SLC2A2: variants seen among roughly 807,000 people sequenced by gnomAD.
SLC2A2 encodes the protein solute carrier family 2, facilitated glucose transporter member 2.
In SLC2A2, 36 loss-of-function variants were observed where a neutral mutation model predicts 54.5. The ratio of observed to expected loss-of-function variants is 0.66; its 90% confidence interval spans 0.51 to 0.87. The LOEUF (loss-of-function observed/expected upper bound fraction) is 0.87. SLC2A2 is among the 40% of genes least tolerant of loss of function. SLC2A2 has a pLI of 0.00. For synonymous variants in SLC2A2, 223 were observed against 219.1 expected (o/e 1.02, Z -0.16); for missense variants, 543 against 624.3 (o/e 0.87, Z 1.39).
intron 1 of SLC2A2, among the ~76,000 whole-genome samples, chr3:171,023,104 T>C (rs911246142): frequency 2.6e-5 from 4 of 152,198 alleles, no homozygotes; most frequent in African/African-American, 4.8e-5. Context: ...TTAAAGTCCT[T>C]ATCCTCTGGC....
Position 170,998,232 on chromosome 3 carries a change from G to T in SLC2A2, c.1335C>A (p.Thr445=), listed in dbSNP as rs1715185191. ...AACACAGAGCTACAATGAAATTGCA[G>T]GTCCAATTGCTGAATGCAGCTATTG... The part of the protein sequence containing the change: ...ALAIAAFSNW[T]CNFIVALCFQ... The change falls in exon 10 of 11, where the codon ACC becomes ACA. Residue 445 remains threonine (T), a synonymous_variant. Transcript: ENST00000314251. 6.2e-7 allele frequency: 1 copy of T among 1,613,670 alleles called. No individual in the cohort carries two copies. The highest frequency in any genetic ancestry group is 1.3e-5 in the African/African-American group (1 of 74,898).
At chr3:171,000,704 G>T (rs1715297026) in intron 8 of SLC2A2, among the ~76,000 whole-genome samples, 1 of 151,636 alleles carries the variant, frequency 6.6e-6, no homozygotes. Flanking sequence ...AATATAGGAT[G>T]TGGAACACAA....
chr3:171,008,680 A>G (rs2108248396), intron 4 of SLC2A2, among the ~76,000 whole-genome samples: 1 of 152,172 alleles, frequency 6.6e-6, no homozygotes, highest in Admixed American at 6.6e-5. Context: ...GAGAAAAGAA[A>G]GAAGAATCAT....
intron 1 of SLC2A2, among the ~76,000 whole-genome samples, chr3:171,020,560 T>A (rs12486657): frequency 0.21 from 31,736 of 152,092 alleles, 4,855 homozygotes; most frequent in African/African-American, 0.44. Context: ...AATATATATG[T>A]GATATATAAT....
At chr3:171,011,747 A>G (rs1233479960) in intron 3 of SLC2A2, among the ~76,000 whole-genome samples, 1 of 152,152 alleles carries the variant, frequency 6.6e-6, no homozygotes, top group Non-Finnish European at 1.5e-5. Context: ...TTATCTACAC[A>G]GGGACAGAGG....
At chr3:171,019,129 G>GTA (rs200539659) in intron 1 of SLC2A2, among the ~76,000 whole-genome samples, 8,479 of 24,490 alleles carry the variant, frequency 0.35, 589 homozygotes, top group Middle Eastern at 0.41. Flanking sequence ...ATATACGTAT[G>GTA]TATATATATA....
chr3:171,011,418 C>T (rs1418869563), intron 3 of SLC2A2, among the ~76,000 whole-genome samples: 1 of 152,018 alleles, frequency 6.6e-6, no homozygotes, highest in Admixed American at 6.6e-5. Flanking sequence ...GGGCCACAAG[C>T]CAGAGAACTA....
intron 2 of SLC2A2, among the ~76,000 whole-genome samples, chr3:171,017,204 CTCTATTAA>C (rs1716193152): frequency 6.6e-6 from 1 of 152,038 alleles, no homozygotes; most frequent in Admixed American, 6.6e-5. Flanking sequence ...AGAGAAGGGG[CTCTATTAA>C]TCAAGTCATG....
chr3:171,017,222 G>A (rs560109922), intron 2 of SLC2A2, among the ~76,000 whole-genome samples: 2 of 152,190 alleles, frequency 1.3e-5, no homozygotes, highest in African/African-American at 4.8e-5. Context: ...ATCAAGTCAT[G>A]GTGATGTTGA....
Position 171,008,962 on chromosome 3 carries a change from C to T in SLC2A2, c.496+996G>A, listed in dbSNP as rs562458832. The stretch of plus-strand genomic sequence containing the variant: ...TTGCTTCAACTGATCATTGAAGATA[C>T]ATGGAATTCAAGTCTTTTCTGTAGG... On this transcript the variant is annotated intron_variant, in intron 4 of 10. Transcript: ENST00000314251. Among the ~76,000 whole-genome samples the T allele has an allele frequency of 2.6e-5, 4 of 152,192 alleles. No individual in the cohort carries two copies. In the South Asian group the frequency reaches 6.2e-4, roughly 24 times the overall value.
chr3:171,000,598 A>G (rs1013818919), intron 8 of SLC2A2, among the ~76,000 whole-genome samples: 1 of 148,452 alleles, frequency 6.7e-6, no homozygotes, highest in South Asian at 2.1e-4. Flanking sequence ...CTTCTTTCTC[A>G]GTGTCATCCT....
intron 2 of SLC2A2, among the ~76,000 whole-genome samples, chr3:171,016,650 G>C (rs1267882755): frequency 4.7e-5 from 6 of 128,380 alleles, no homozygotes; most frequent in Non-Finnish European, 8.0e-5. Context: ...ATTAAAAAAA[G>C]GCTTAAAAAA....
chr3:171,016,973 C>T (rs769164521), intron 2 of SLC2A2, among the ~76,000 whole-genome samples: 1 of 151,852 alleles, frequency 6.6e-6, no homozygotes, highest in Non-Finnish European at 1.5e-5. Context: ...TTGACTCAGC[C>T]TCCCGAGTAG....
chr3:170,996,600 A>G lies in SLC2A2; in HGVS notation c.*1303T>C, dbSNP rs866750823. 27 of 397,896 alleles carry G rather than the reference A, an allele frequency of 6.8e-5. No homozygotes were observed. The highest frequency in any genetic ancestry group is 8.9e-5 in the Non-Finnish European group (20 of 225,620). The allele number at this position is 397,896 out of a possible 1,614,324, so 24.6% of individuals were successfully genotyped here. On this transcript the variant is annotated 3_prime_UTR_variant, in exon 11 of 11. Transcript: ENST00000314251. ...TGGGACCCATCAGAACTATATTTCC[A>G]TAATTGTAAAATTGACTGTAAGCTA...
At chr3:171,011,179 C>T (rs531275612) in intron 3 of SLC2A2, among the ~76,000 whole-genome samples, 8 of 152,176 alleles carry the variant, frequency 5.3e-5, no homozygotes, top group African/African-American at 9.6e-5. Context: ...AATCATGTCC[C>T]CTGGCAGCCT....
At chr3:171,012,947 C>T (rs1715960471) in intron 3 of SLC2A2, among the ~76,000 whole-genome samples, 1 of 151,958 alleles carries the variant, frequency 6.6e-6, no homozygotes, top group South Asian at 2.1e-4. Context: ...TATATTGGCT[C>T]CATTAAATGT....
At chr3:171,017,415 A>G (rs1294927414) in intron 2 of SLC2A2, among the ~76,000 whole-genome samples, 3 of 152,156 alleles carry the variant, frequency 2.0e-5, no homozygotes, top group Non-Finnish European at 4.4e-5. Context: ...TTCAGCAGGA[A>G]GCAGCCCTTT....
chr3:171,012,093 C>T (rs935142000), intron 3 of SLC2A2, among the ~76,000 whole-genome samples: 7 of 152,048 alleles, frequency 4.6e-5, no homozygotes, highest in Non-Finnish European at 7.4e-5. Context: ...CGATTATTGT[C>T]GTGGTCATGG....
intron 2 of SLC2A2, among the ~76,000 whole-genome samples, chr3:171,015,333 G>T (rs1716097019): frequency 6.6e-6 from 1 of 152,040 alleles, no homozygotes; most frequent in Non-Finnish European, 1.5e-5. Context: ...ACCCAGGCAT[G>T]GTGGCACATG....
Sources: gnomAD v4.1 joint callset for allele counts (sites outside exome capture counted in the v4.1 genomes callset) on GRCh38, gnomAD v4.1.1 for gene constraint, MANE v1.5 for transcripts, NCBI Gene and HGNC (gene_info 2026-07-23, HGNC 2026-07-21) for gene names.